SGCZ: variants seen among roughly 807,000 people sequenced by gnomAD.
SGCZ encodes zeta-sarcoglycan.
In SGCZ, 40 loss-of-function variants were observed where a neutral mutation model predicts 41.3. That is an observed-to-expected ratio of 0.97 (90% CI 0.75 to 1.26). The LOEUF is 1.26. SGCZ is among the 50% of genes most tolerant of loss of function. The pLI is 0.00. For synonymous variants in SGCZ, 206 were observed against 137.5 expected, an observed-to-expected ratio of 1.50 and a Z score of -3.49; for missense variants, 552 against 369.8, an observed-to-expected ratio of 1.49 and a Z score of -4.04.
At chr8:14,747,587 T>C (rs897665151) in intron 1 of SGCZ, among the ~76,000 whole-genome samples, 2 of 151,706 alleles carry the variant, frequency 1.3e-5, no homozygotes, top group South Asian at 4.2e-4. Flanking sequence ...TTTGTTATAA[T>C]TTTTTTCAGA....
At chr8:14,382,325 C>T (rs186419439) in intron 2 of SGCZ, among the ~76,000 whole-genome samples, 10 of 152,092 alleles carry the variant, frequency 6.6e-5, no homozygotes, top group Admixed American at 1.3e-4. Context: ...TGATTGTTTG[C>T]GTAAGGCCCA....
intron 2 of SGCZ, among the ~76,000 whole-genome samples, chr8:14,450,321 GC>G (rs1314549035): frequency 2.8e-5 from 4 of 143,206 alleles, no homozygotes; most frequent in Admixed American, 7.2e-5. Context: ...TGCAAGTATT[GC>G]GGTATGCATA....
At chr8:14,536,748 C>A (rs1052491615) in intron 2 of SGCZ, among the ~76,000 whole-genome samples, 6 of 151,078 alleles carry the variant, frequency 4.0e-5, no homozygotes, top group Non-Finnish European at 8.8e-5. Flanking sequence ...AATATTTTAA[C>A]AAAACTAAGG....
chr8:14,640,245 A>C (rs1013288393), intron 1 of SGCZ, among the ~76,000 whole-genome samples: 3 of 151,722 alleles, frequency 2.0e-5, no homozygotes, highest in African/African-American at 7.3e-5. Flanking sequence ...AGTGTCCTTC[A>C]GAAGTTCCTT....
chr8:14,910,340 G>A (rs1005321857), intron 1 of SGCZ, among the ~76,000 whole-genome samples: 4 of 151,880 alleles, frequency 2.6e-5, no homozygotes, highest in East Asian at 1.9e-4. Flanking sequence ...ATCTCTCACA[G>A]TACCATTTAA....
rs144782802 is a variant in SGCZ, at chr8:14,165,351, T to C, written c.425-649A>G. 4 of 152,232 alleles carry C rather than the reference T, an allele frequency of 2.6e-5. No homozygotes were observed. In the East Asian group the frequency reaches 5.8e-4, roughly 22 times the overall value. 9.4% of individuals were successfully genotyped at this position (152,232 alleles called of 1,614,324 possible). Reference sequence around the variant, plus strand: ...AAAAACGGTATTAAATAAATGTAATTACAAAACCAACTTACTGGCCAATTC... The same window carrying C: ...AAAAACGGTATTAAATAAATGTAATCACAAAACCAACTTACTGGCCAATTC... On this transcript the variant is annotated intron_variant, in intron 4 of 7. Coordinates refer to ENST00000382080, the MANE Select transcript of SGCZ (RefSeq NM_139167.4).
intron 4 of SGCZ, among the ~76,000 whole-genome samples, chr8:14,216,102 G>T (rs183812444): frequency 6.6e-6 from 1 of 152,174 alleles, no homozygotes; most frequent in Non-Finnish European, 1.5e-5. Context: ...TAACATGATC[G>T]CCCTCCCCTG....
chr8:14,604,229 G>A (rs1056494990), intron 1 of SGCZ, among the ~76,000 whole-genome samples: 6 of 152,000 alleles, frequency 3.9e-5, no homozygotes, highest in Non-Finnish European at 8.8e-5. Flanking sequence ...TCTTCTTATA[G>A]AAGAAGAAGA....
At chr8:14,952,518 C>G (rs544711385) in intron 1 of SGCZ, among the ~76,000 whole-genome samples, 8 of 152,142 alleles carry the variant, frequency 5.3e-5, no homozygotes, top group South Asian at 4.1e-4. Flanking sequence ...AACCTTTGTT[C>G]GATAATGTTG....
At chr8:15,173,697 T>C (rs977308630) in intron 1 of SGCZ, among the ~76,000 whole-genome samples, 2 of 152,178 alleles carry the variant, frequency 1.3e-5, no homozygotes, top group Non-Finnish European at 2.9e-5. Flanking sequence ...AAAGTTGGAA[T>C]GGTCATCAGG....
chr8:14,228,947 T>G (rs1460409430), intron 4 of SGCZ, among the ~76,000 whole-genome samples: 1 of 152,094 alleles, frequency 6.6e-6, no homozygotes, highest in Non-Finnish European at 1.5e-5. Flanking sequence ...GCAAGAATGG[T>G]CTTTAGGACC....
At chr8:14,298,984 T>G (rs1194179992) in intron 3 of SGCZ, among the ~76,000 whole-genome samples, 1 of 152,034 alleles carries the variant, frequency 6.6e-6, no homozygotes, top group Non-Finnish European at 1.5e-5. Flanking sequence ...AGTATTATAT[T>G]GGTATAATGA....
intron 1 of SGCZ, among the ~76,000 whole-genome samples, chr8:14,910,104 C>T (rs1008454853): frequency 2.0e-5 from 3 of 152,010 alleles, no homozygotes; most frequent in Non-Finnish European, 2.9e-5. Context: ...TACATTTCAC[C>T]TTATTTGAGA....
chr8:14,108,063 G>T, intron 6 of SGCZ, 100 bp downstream of exon 6: 5 of 833,698 alleles, frequency 6.0e-6, no homozygotes, highest in Non-Finnish European at 8.8e-6. Context: ...TAAGTATATT[G>T]GGAGAAACAT....
intron 5 of SGCZ, among the ~76,000 whole-genome samples, chr8:14,120,239 T>C (rs1334620591): frequency 6.6e-6 from 1 of 152,178 alleles, no homozygotes; most frequent in African/African-American, 2.4e-5. Context: ...AAATTCACCA[T>C]AGTAATTGAC....
At chr8:14,210,517 C>T (rs1193703345) in intron 4 of SGCZ, among the ~76,000 whole-genome samples, 1 of 151,162 alleles carries the variant, frequency 6.6e-6, no homozygotes, top group Non-Finnish European at 1.5e-5. Flanking sequence ...GACTGGAGTG[C>T]AATGGTGCGA....
At chr8:15,157,426 A>C in intron 1 of SGCZ, among the ~76,000 whole-genome samples, 1 of 145,552 alleles carries the variant, frequency 6.9e-6, no homozygotes, top group Non-Finnish European at 1.5e-5. Flanking sequence ...CTTAAGGGGG[A>C]AAAAAAAAAA....
intron 2 of SGCZ, among the ~76,000 whole-genome samples, chr8:14,426,671 C>T (rs34805259): frequency 0.21 from 31,247 of 151,958 alleles, 3,792 homozygotes; most frequent in Non-Finnish European, 0.29. Context: ...ATAATTAATG[C>T]AAACTGGACT....
chr8:14,610,518 G>A (rs1805893274), intron 1 of SGCZ, among the ~76,000 whole-genome samples: 1 of 152,070 alleles, frequency 6.6e-6, no homozygotes, highest in African/African-American at 2.4e-5. Context: ...CCCTCTTTAT[G>A]AGGGCTCTTG....
Sources: allele counts gnomAD v4.1 joint callset (sites outside exome capture counted in the v4.1 genomes callset), GRCh38; gene constraint gnomAD v4.1.1; transcripts MANE v1.5; gene names NCBI Gene and HGNC (gene_info 2026-07-23, HGNC 2026-07-21).